The following EVC2 variants were observed in gnomAD, a reference collection of about 807,000 sequenced individuals.
The protein encoded by EVC2 is EvC ciliary complex subunit 2.
Under a neutral mutation model 149.3 loss-of-function variants are expected in EVC2, and 148 were observed. The observed-to-expected ratio is 0.99, with a 90% CI of 0.87 to 1.14. EVC2 has a LOEUF of 1.14. Ranked by LOEUF, EVC2 falls within the 50% of genes most tolerant of loss-of-function variation. EVC2 has a pLI of 0.00. For missense variants in EVC2, 1,854 were observed against 1,627.3 expected (o/e 1.14, Z -2.40); for synonymous variants, 776 against 649.9 (o/e 1.19, Z -2.95).
intron 10 of EVC2, among the ~76,000 whole-genome samples, chr4:5,634,832 G>C (rs1168978955): frequency 1.3e-5 from 2 of 152,024 alleles, no homozygotes; most frequent in Non-Finnish European, 2.9e-5. Flanking sequence ...TGCCTGGTGT[G>C]ACAGGCACTA....
chr4:5,543,252 C>T, intron 21 of EVC2: 2 of 1,256,822 alleles, frequency 1.6e-6, no homozygotes, highest in Non-Finnish European at 2.1e-6. Flanking sequence ...AAAGTCTCTC[C>T]CATCCCTACC....
rs544276452 is a variant in EVC2 at position 5,703,800 on chromosome 4, T to C, written c.228+4486A>G. ...CAGTAACATACCATATATAGTATATTAGAAGGTGATAAGAACAGTGGAGCA... is the reference window on the plus strand; with the variant it reads ...CAGTAACATACCATATATAGTATATCAGAAGGTGATAAGAACAGTGGAGCA... On this transcript the variant is annotated intron_variant, in intron 1 of 21. Coordinates refer to ENST00000344408, the MANE Select transcript of EVC2 (RefSeq NM_147127.5). 5.3e-5 allele frequency among the ~76,000 whole-genome samples: 8 copies of C among 152,274 alleles called. No homozygotes were observed. In the South Asian group the frequency reaches 1.7e-3, roughly 32 times the overall value.
chr4:5,545,862 T>G (rs930146604), intron 21 of EVC2, among the ~76,000 whole-genome samples: 1 of 152,108 alleles, frequency 6.6e-6, no homozygotes, highest in Non-Finnish European at 1.5e-5. Flanking sequence ...GAGAGGAGAA[T>G]TGGGAAATGA....
intron 13 of EVC2, among the ~76,000 whole-genome samples, chr4:5,623,231 G>A (rs990507152): frequency 3.3e-5 from 5 of 152,200 alleles, no homozygotes; most frequent in Non-Finnish European, 5.9e-5. Flanking sequence ...CACCTCCTGG[G>A]TTCAAGCGAT....
chr4:5,683,693 C>T (rs374109009), intron 6 of EVC2, among the ~76,000 whole-genome samples: 5 of 152,072 alleles, frequency 3.3e-5, no homozygotes, highest in African/African-American at 1.2e-4. Flanking sequence ...GGGGAAGCCA[C>T]GAGGAAGGTC....
chr4:5,685,546 A>C (rs1577251744), intron 5 of EVC2, 67 bp from the exon 6 acceptor site: 1 of 1,307,490 alleles, frequency 7.6e-7, no homozygotes. Flanking sequence ...ACCCCACCAC[A>C]CCCCAGACAC....
At position 5,640,689 on chromosome 4, in the gene EVC2, A is replaced by G. The variant is rs1381375453; in HGVS notation, c.1295T>C (p.Phe432Ser). 1 of 1,614,114 alleles carries G rather than the reference A, an allele frequency of 6.2e-7. No homozygotes were observed. The highest frequency in any genetic ancestry group is 1.7e-5 in the Admixed American group (1 of 60,020). ...PQVERKMSAV[F>S]KKQFLLLENE... ...TTCCAGCAATAGAAACTGCTTTTTGAAAACAGCACTCATTTTTCTCTCTAC... is the reference window on the plus strand; with the variant it reads ...TTCCAGCAATAGAAACTGCTTTTTGGAAACAGCACTCATTTTTCTCTCTAC... Residue 432 changes from phenylalanine to serine, a missense_variant, in exon 10 of 22, where the codon TTC becomes TCC. Physicochemically the swap from Phe to Ser is radical, Grantham distance 155. Coordinates refer to ENST00000344408, the MANE Select transcript of EVC2 (RefSeq NM_147127.5). The surrounding 1 kb of genome is among the most constrained non-coding windows in gnomAD (Gnocchi z 4.6).
At chr4:5,624,082 G>C (rs1397742264) in intron 13 of EVC2, among the ~76,000 whole-genome samples, 2 of 152,188 alleles carry the variant, frequency 1.3e-5, no homozygotes, top group Non-Finnish European at 2.9e-5. Flanking sequence ...CAAGGAAGAA[G>C]ATCTAAGTGA....
chr4:5,576,220 C>A lies in EVC2; in HGVS notation c.3272+20G>T. 6.2e-7 allele frequency: 1 copy of A among 1,614,106 alleles called. No homozygotes were observed. The highest frequency in any genetic ancestry group is 1.1e-5 in the South Asian group (1 of 91,082). On this transcript the variant is annotated intron_variant, in intron 18 of 21. Transcript: ENST00000344408. This position sits in a 1 kb window ranked among gnomAD's most constrained non-coding sequence, Gnocchi z 4.5. ...TGCTGGGGACTAATATCTTTGAGTG[C>A]TACGGGGCACACGGCATACCACTGC...
Position 5,640,695 on chromosome 4 carries a change from G to C in EVC2, c.1289C>G (p.Ala430Gly), listed in dbSNP as rs1228931835. ...CAATAGAAACTGCTTTTTGAAAACAGCACTCATTTTTCTCTCTACTTGGGG... is the reference window on the plus strand; with the variant it reads ...CAATAGAAACTGCTTTTTGAAAACACCACTCATTTTTCTCTCTACTTGGGG... ...LSPQVERKMS[A>G]VFKKQFLLLE... is the part of the protein sequence containing the mutation. The change falls in exon 10 of 22, where the codon GCT becomes GGT. Residue 430 changes from alanine to glycine, a missense_variant. Coordinates refer to ENST00000344408, the MANE Select transcript of EVC2 (RefSeq NM_147127.5). The surrounding 1 kb of genome is among the most constrained non-coding windows in gnomAD (Gnocchi z 4.6). 34 of 1,614,048 alleles carry C rather than the reference G, an allele frequency of 2.1e-5. No homozygotes were observed. The highest frequency in any genetic ancestry group is 2.6e-5 in the Non-Finnish European group (31 of 1,180,022).
Position 5,615,421 on chromosome 4 carries a change from C to T in EVC2, c.2829+1G>A, listed in dbSNP as rs752255602. On this transcript the variant is annotated splice_donor_variant, in intron 16 of 21. Transcript: ENST00000344408. LOFTEE classifies it high-confidence loss of function. ...CAGCTGGGTGAAGCAGATGTACTGA[C>T]CTTTTCCACCAGGTCTTCAGAGGCC... is the stretch of plus-strand genomic sequence containing the variant. The T allele has an allele frequency of 9.3e-6, 15 of 1,614,082 alleles. No individual in the cohort carries two copies. Among genetic ancestry groups the T allele is most frequent in the African/African-American group, 2.7e-5 (2 of 74,938 alleles).
At chr4:5,611,941 A>G (rs931647921) in intron 16 of EVC2, among the ~76,000 whole-genome samples, 7 of 152,162 alleles carry the variant, frequency 4.6e-5, no homozygotes, top group African/African-American at 1.7e-4. Flanking sequence ...AAATGCTGTA[A>G]ATGACTAGAG....
intron 16 of EVC2, among the ~76,000 whole-genome samples, chr4:5,585,624 T>G (rs1289157269): frequency 1.3e-5 from 2 of 152,182 alleles, no homozygotes; most frequent in East Asian, 3.9e-4. Flanking sequence ...TTCTTTATAA[T>G]AACCTGCACA....
intron 5 of EVC2, 74 bp from the exon 6 acceptor site, chr4:5,685,553 A>G: frequency 7.9e-7 from 1 of 1,264,914 alleles, no homozygotes; most frequent in East Asian, 2.4e-5. Context: ...CACACCCCAG[A>G]CACATCCTGG....
chr4:5,622,606 T>G lies in EVC2; in HGVS notation c.2432A>C (p.Lys811Thr). 1 of 1,613,962 alleles carries G rather than the reference T, an allele frequency of 6.2e-7. No individual in the cohort carries two copies. The highest frequency in any genetic ancestry group is 1.1e-5 in the South Asian group (1 of 91,036). The part of the protein sequence containing the change: ...EGVQSVRQRL[K>T]DDAPEAVTEE... The stretch of plus-strand genomic sequence containing the variant: ...TGTCACGGCCTCAGGAGCGTCATCC[T>G]TCAGTCTCTGCCTCACGCTCTGGAC... The change falls in exon 14 of 22, where the codon AAG (lysine) becomes ACG (threonine). Residue 811 changes from lysine (K) to threonine (T), a missense_variant. By Grantham distance (78) the Lys-to-Thr change is moderately conservative. Transcript: ENST00000344408. This position sits in a 1 kb window ranked among gnomAD's most constrained non-coding sequence, Gnocchi z 5.8.
chr4:5,552,502 A>G (rs1036646649), intron 21 of EVC2, among the ~76,000 whole-genome samples: 6 of 152,194 alleles, frequency 3.9e-5, no homozygotes, highest in Admixed American at 3.3e-4. Flanking sequence ...TTGACTTCAA[A>G]ATACCCTGGA....
intron 7 of EVC2, among the ~76,000 whole-genome samples, chr4:5,666,315 T>C (rs1375878215): frequency 6.7e-6 from 1 of 148,268 alleles, no homozygotes; most frequent in African/African-American, 2.5e-5. Context: ...GACAATATTA[T>C]TATGATTAGG....
At chr4:5,590,583 A>C (rs546788019) in intron 16 of EVC2, among the ~76,000 whole-genome samples, 1 of 151,652 alleles carries the variant, frequency 6.6e-6, no homozygotes, top group South Asian at 2.1e-4. Flanking sequence ...CTGTTTTGAC[A>C]AAGCAACCAA....
At chr4:5,693,973 T>C (rs12503515) in intron 3 of EVC2, among the ~76,000 whole-genome samples, 2,731 of 152,312 alleles carry the variant, frequency 0.018, 55 homozygotes, top group Admixed American at 0.034. Context: ...CTAAACCCAG[T>C]GCCCGACCCA....
Sources: allele counts gnomAD v4.1 joint callset (sites outside exome capture counted in the v4.1 genomes callset), GRCh38; gene constraint gnomAD v4.1.1; non-coding constraint Gnocchi (gnomAD v3.1); transcripts MANE v1.5; gene names NCBI Gene and HGNC (gene_info 2026-07-23, HGNC 2026-07-21).